NELL1: variants seen among roughly 807,000 people sequenced by gnomAD.
The protein encoded by NELL1 is protein kinase C-binding protein NELL1.
Under a neutral mutation model 107.4 loss-of-function variants are expected in NELL1, and 76 were observed. The observed-to-expected ratio is 0.71, with a 90% CI of 0.59 to 0.86. The LOEUF (loss-of-function observed/expected upper bound fraction) is 0.86, where lower values mean the gene tolerates loss of function less well. Ranked by LOEUF, NELL1 falls within the 40% of genes least tolerant of loss-of-function variation. The pLI is 0.00. For missense variants in NELL1, 1,024 were observed against 1,005.5 expected, an observed-to-expected ratio of 1.02 and a Z score of -0.25; for synonymous variants, 353 against 341.2, an observed-to-expected ratio of 1.03 and a Z score of -0.38.
chr11:20,750,777 G>A (rs1335640900), intron 2 of NELL1, among the ~76,000 whole-genome samples: 1 of 151,872 alleles, frequency 6.6e-6, no homozygotes, highest in Non-Finnish European at 1.5e-5. Flanking sequence ...TTGTAGAGAT[G>A]GGGTTTCACA....
intron 3 of NELL1, among the ~76,000 whole-genome samples, chr11:20,792,714 TTAAC>T (rs1257300211): frequency 2.2e-4 from 33 of 152,014 alleles, no homozygotes; most frequent in African/African-American, 6.5e-4. Context: ...TAAACTTACA[TTAAC>T]TAATGCTTTA....
At chr11:20,918,292 ACT>A in intron 6 of NELL1, 38 bp downstream of exon 6, 1 of 1,231,368 alleles carries the variant, frequency 8.1e-7, no homozygotes, top group Non-Finnish European at 1.2e-6. Context: ...ATATTATATA[ACT>A]TGTTGATTGT....
chr11:21,304,578 TTC>T (rs1554998166), intron 14 of NELL1, among the ~76,000 whole-genome samples: 1 of 151,270 alleles, frequency 6.6e-6, no homozygotes, highest in African/African-American at 2.4e-5. Context: ...GTTTTTTTTT[TTC>T]TCTCTCTCTC....
chr11:21,123,409 T>G (rs1467602749), intron 13 of NELL1, among the ~76,000 whole-genome samples: 3 of 151,410 alleles, frequency 2.0e-5, no homozygotes, highest in African/African-American at 7.3e-5. Context: ...TAGAGTATAT[T>G]AACAGCTTTG....
intron 15 of NELL1, among the ~76,000 whole-genome samples, chr11:21,526,619 CCT>C (rs1309923420): frequency 6.6e-6 from 1 of 152,208 alleles, no homozygotes; most frequent in Non-Finnish European, 1.5e-5. Flanking sequence ...TTCCGTACAT[CCT>C]CTGAAATCTA....
chr11:21,394,721 GTC>G (rs2133788342), intron 15 of NELL1, among the ~76,000 whole-genome samples: 1 of 151,558 alleles, frequency 6.6e-6, no homozygotes, highest in East Asian at 2.0e-4. Flanking sequence ...CATAATGTCA[GTC>G]TCTACTAGTG....
intron 14 of NELL1, among the ~76,000 whole-genome samples, chr11:21,316,884 AT>A (rs1269363368): frequency 2.0e-5 from 3 of 152,082 alleles, no homozygotes; most frequent in Admixed American, 1.3e-4. Context: ...TCAGACTATA[AT>A]GAAAACGATT....
intron 15 of NELL1, among the ~76,000 whole-genome samples, chr11:21,519,798 G>C (rs992957566): frequency 6.6e-6 from 1 of 152,106 alleles, no homozygotes. Flanking sequence ...AGACTCCAGA[G>C]TCCTAAAATT....
chr11:21,003,481 G>A (rs1227238322), intron 12 of NELL1, among the ~76,000 whole-genome samples: 3 of 152,080 alleles, frequency 2.0e-5, no homozygotes, highest in Non-Finnish European at 4.4e-5. Flanking sequence ...AGTATTAGAG[G>A]TCATCTAGTG....
rs149413587 is a variant in NELL1 at position 20,672,336 on chromosome 11, G to T, written c.55+2558G>T. Among the ~76,000 whole-genome samples the T allele has an allele frequency of 5.3e-4, 80 of 152,348 alleles. 2 individuals carry two copies. The East Asian group carries it at 9.1e-3, about 17-fold the overall frequency. ...GTTGTCTGGGCTGTTAACAGTCCTA[G>T]ATGAAATAAACATGTGGTTCACTTA... On this transcript the variant is annotated intron_variant, in intron 1 of 19. Coordinates refer to ENST00000357134, the MANE Select transcript of NELL1 (RefSeq NM_006157.5).
At chr11:21,105,862 C>CCCTTCCCCTCTCCT (rs1565062810) in intron 12 of NELL1, among the ~76,000 whole-genome samples, 1 of 436 alleles carries the variant, frequency 2.3e-3, no homozygotes. Flanking sequence ...TCTCTCCCCT[C>CCCTTCCCCTCTCCT]CCCCTCCCCT....
chr11:21,403,606 C>CA (rs11331255), intron 15 of NELL1, among the ~76,000 whole-genome samples: 1,478 of 143,200 alleles, frequency 0.01, 29 homozygotes, highest in African/African-American at 0.032. Context: ...TGTAGCTCTT[C>CA]AAAAAAAAAA....
At chr11:21,290,398 G>GATAGATAAATAAATAA (rs1554995056) in intron 14 of NELL1, among the ~76,000 whole-genome samples, 2 of 146,446 alleles carry the variant, frequency 1.4e-5, no homozygotes, top group East Asian at 4.0e-4. Flanking sequence ...AAAATAAATA[G>GATAGATAAATAAATAA]ATAAATAAAT....
At chr11:20,879,775 G>T (rs183416000) in intron 4 of NELL1, among the ~76,000 whole-genome samples, 24 of 152,098 alleles carry the variant, frequency 1.6e-4, no homozygotes, top group South Asian at 2.1e-4. Flanking sequence ...GAATGTAAAA[G>T]AAATAAGATA....
At chr11:21,186,722 G>T (rs1031871199) in intron 13 of NELL1, among the ~76,000 whole-genome samples, 3 of 151,794 alleles carry the variant, frequency 2.0e-5, no homozygotes, top group African/African-American at 4.9e-5. Flanking sequence ...TTATATCACT[G>T]GAACATCCAG....
At chr11:21,255,113 G>A (rs1858736883) in intron 14 of NELL1, among the ~76,000 whole-genome samples, 1 of 152,064 alleles carries the variant, frequency 6.6e-6, no homozygotes, top group Admixed American at 6.6e-5. Context: ...GGAGCCAAGT[G>A]AGAATATCCT....
At chr11:20,725,312 GC>G (rs1163081677) in intron 2 of NELL1, among the ~76,000 whole-genome samples, 1 of 152,218 alleles carries the variant, frequency 6.6e-6, no homozygotes, top group Non-Finnish European at 1.5e-5. Context: ...GTGCCTGGAT[GC>G]CATATGAGTT....
chr11:21,315,763 G>A (rs1034162226), intron 14 of NELL1, among the ~76,000 whole-genome samples: 6 of 152,094 alleles, frequency 3.9e-5, no homozygotes, highest in Admixed American at 1.3e-4. Context: ...TTCCCCCAAT[G>A]TGTTTGGTGC....
chr11:21,480,281 A>G (rs1022543797), intron 15 of NELL1, among the ~76,000 whole-genome samples: 3 of 152,138 alleles, frequency 2.0e-5, no homozygotes, highest in South Asian at 2.1e-4. Context: ...TTTTGTTTTC[A>G]TTCTTATTAA....
Sources: gnomAD v4.1 joint callset for allele counts (sites outside exome capture counted in the v4.1 genomes callset) on GRCh38, gnomAD v4.1.1 for gene constraint, MANE v1.5 for transcripts, NCBI Gene and HGNC (gene_info 2026-07-23, HGNC 2026-07-21) for gene names.